Variants in ILRUN observed in about 807,000 individuals in gnomAD.
ILRUN encodes protein ILRUN.
In ILRUN, 3 loss-of-function variants were observed where a neutral mutation model predicts 33.8. The ratio of observed to expected loss-of-function variants is 0.09; its 90% CI spans 0.04 to 0.23. The LOEUF (loss-of-function observed/expected upper bound fraction) is 0.23, where lower values mean the gene tolerates loss of function less well. Among genes scored for constraint, ILRUN ranks in the 10% least tolerant of loss-of-function variants. The probability of loss-of-function intolerance (pLI) is 1.00; values close to 1 mark genes in which losing one functional copy is unlikely to be tolerated. For missense variants in ILRUN, 210 were observed against 375.1 expected (o/e 0.56, Z 3.64); for synonymous variants, 124 against 138.9 (o/e 0.89, Z 0.75).
intron 3 of ILRUN, chr6:34,617,238 C>A: frequency 4.9e-6 from 2 of 406,582 alleles, no homozygotes; most frequent in South Asian, 2.0e-5. Flanking sequence ...GATCAACACG[C>A]TTAATAGAAG....
At chr6:34,594,914 G>A (rs1263632162) in intron 4 of ILRUN, among the ~76,000 whole-genome samples, 1 of 152,138 alleles carries the variant, frequency 6.6e-6, no homozygotes, top group Non-Finnish European at 1.5e-5. Flanking sequence ...GTAAGGGAGG[G>A]GTGGTCCTCA....
intron 4 of ILRUN, chr6:34,595,786 G>A (rs1422463016): frequency 8.1e-6 from 8 of 985,302 alleles, no homozygotes; most frequent in Non-Finnish European, 9.6e-6. Flanking sequence ...TTAATAAAAA[G>A]ACAAGCAAGT....
At chr6:34,616,010 T>C (rs910420480) in intron 3 of ILRUN, among the ~76,000 whole-genome samples, 6 of 152,168 alleles carry the variant, frequency 3.9e-5, no homozygotes, top group African/African-American at 9.7e-5. Context: ...GCTTCATCAA[T>C]AGGCTTCCAC....
intron 1 of ILRUN, among the ~76,000 whole-genome samples, chr6:34,674,238 G>A (rs1763181995): frequency 6.6e-6 from 1 of 152,276 alleles, no homozygotes; most frequent in African/African-American, 2.4e-5. Flanking sequence ...TGTTGGCCAG[G>A]CTGATCTCAA....
intron 4 of ILRUN, 32 bp downstream of exon 4, chr6:34,606,522 CA>C (rs773437919): frequency 6.4e-7 from 1 of 1,569,304 alleles, no homozygotes; most frequent in Non-Finnish European, 8.7e-7. Context: ...CAAGGCCCAC[CA>C]CCTACCCCTT....
chr6:34,657,917 G>C (rs1243425956), intron 1 of ILRUN, among the ~76,000 whole-genome samples: 2 of 152,252 alleles, frequency 1.3e-5, no homozygotes, highest in Non-Finnish European at 2.9e-5. Flanking sequence ...CCAGCATTCA[G>C]TGCAGTCTGA....
chr6:34,598,933 G>C (rs1761455084), intron 4 of ILRUN, among the ~76,000 whole-genome samples: 1 of 152,214 alleles, frequency 6.6e-6, no homozygotes, highest in African/African-American at 2.4e-5. Context: ...CTGGTACACA[G>C]TGTGCTAATC....
chr6:34,624,578 C>T (rs1488115705), intron 3 of ILRUN, among the ~76,000 whole-genome samples: 2 of 152,018 alleles, frequency 1.3e-5, no homozygotes, highest in Non-Finnish European at 2.9e-5. Flanking sequence ...AGGTGATCCA[C>T]CTGCCTGGGC....
intron 3 of ILRUN, among the ~76,000 whole-genome samples, chr6:34,624,728 A>G (rs1762080304): frequency 6.6e-6 from 1 of 152,202 alleles, no homozygotes; most frequent in African/African-American, 2.4e-5. Flanking sequence ...CTACAGAGCT[A>G]ATGTGTTAGT....
intron 3 of ILRUN, among the ~76,000 whole-genome samples, chr6:34,635,984 G>T (rs929323666): frequency 1.3e-5 from 2 of 152,102 alleles, no homozygotes; most frequent in African/African-American, 4.8e-5. Flanking sequence ...CAGACTGGAC[G>T]TACTGGTTCA....
At chr6:34,617,306 A>T (rs59240548) in intron 3 of ILRUN, 5,175 of 327,730 alleles carry the variant, frequency 0.016, 114 homozygotes, top group African/African-American at 0.06. Flanking sequence ...AATAAACAGT[A>T]TGCGCTCTCA....
chr6:34,600,045 G>A (rs1274167317), intron 4 of ILRUN, among the ~76,000 whole-genome samples: 1 of 152,164 alleles, frequency 6.6e-6, no homozygotes, highest in Non-Finnish European at 1.5e-5. Context: ...CTCTTTGCCT[G>A]GATGACGGCA....
chr6:34,601,437 G>C (rs1384644213), intron 4 of ILRUN, among the ~76,000 whole-genome samples: 2 of 151,454 alleles, frequency 1.3e-5, no homozygotes, highest in Non-Finnish European at 2.9e-5. Context: ...GACAACTCTA[G>C]GGTTTCATGG....
intron 1 of ILRUN, among the ~76,000 whole-genome samples, chr6:34,659,733 T>C (rs1179777661): frequency 6.9e-6 from 1 of 145,366 alleles, no homozygotes; most frequent in Non-Finnish European, 1.5e-5. Context: ...GCAATTCTCC[T>C]ACCTCAGCCT....
intron 4 of ILRUN, among the ~76,000 whole-genome samples, chr6:34,596,271 T>C (rs546531045): frequency 5.2e-4 from 79 of 152,200 alleles, no homozygotes; most frequent in Non-Finnish European, 9.4e-4. Context: ...TTCTGTAAGA[T>C]GATTTAACAT....
chr6:34,670,844 CA>C (rs201024054), intron 1 of ILRUN, among the ~76,000 whole-genome samples: 6,951 of 58,464 alleles, frequency 0.12, 192 homozygotes, highest in East Asian at 0.39. Context: ...GACCCTGTCT[CA>C]AAAAAAAAAA....
At chr6:34,688,497 C>T (rs997477629) in intron 1 of ILRUN, among the ~76,000 whole-genome samples, 4 of 150,580 alleles carry the variant, frequency 2.7e-5, no homozygotes, top group African/African-American at 9.8e-5. Context: ...TGGCAAGAAA[C>T]TTACAGGCTT....
intron 1 of ILRUN, among the ~76,000 whole-genome samples, chr6:34,694,271 A>G (rs1490068617): frequency 2.0e-5 from 3 of 152,236 alleles, no homozygotes; most frequent in African/African-American, 7.2e-5. Context: ...GACTGACTCT[A>G]AAGAACTTAA....
chr6:34,656,875 T>C (rs1276646834), intron 1 of ILRUN, among the ~76,000 whole-genome samples: 1 of 152,242 alleles, frequency 6.6e-6, no homozygotes, highest in Admixed American at 6.5e-5. Context: ...TGCTTGATAA[T>C]ATTTACATAA....
Sources: gnomAD v4.1 joint callset for allele counts (sites outside exome capture counted in the v4.1 genomes callset) on GRCh38, gnomAD v4.1.1 for gene constraint, MANE v1.5 for transcripts, NCBI Gene and HGNC (gene_info 2026-07-23, HGNC 2026-07-21) for gene names.